The following PCDH9 variants were observed in gnomAD, a reference collection of about 807,000 sequenced individuals.
PCDH9 encodes the protein protocadherin 9, also known as protocadherin-9.
A neutral mutation model predicts 70.6 loss-of-function variants in PCDH9; 24 were observed. That is an observed-to-expected ratio of 0.34 (90% CI 0.25 to 0.48). The LOEUF is 0.48. PCDH9 is among the 20% of genes least tolerant of loss of function. The pLI, the probability that PCDH9 is intolerant of heterozygous loss-of-function variation, is 0.99. For synonymous variants in PCDH9, 562 were observed against 558.5 expected (o/e 1.01, Z -0.09); for missense variants, 1,281 against 1,503.6 (o/e 0.85, Z 2.45).
rs187396968 is a variant in PCDH9, at chr13:67,032,984, C to T, written c.3037-129379G>A. Among the ~76,000 whole-genome samples the T allele has an allele frequency of 7.9e-3, 1,189 of 149,906 alleles. 6 individuals carry two copies. The highest frequency in any genetic ancestry group is 0.017 in the Middle Eastern group (5 of 290). On this transcript the variant is annotated intron_variant, in intron 2 of 4. Coordinates refer to ENST00000377865, the MANE Select transcript of PCDH9 (RefSeq NM_203487.3). ...TTGTTAAATTTTCTTCTAATTTGTC[C>T]TTTTTTTTTTCTTACTTATGTGATG...
At chr13:67,099,251 C>A (rs1261930701) in intron 2 of PCDH9, among the ~76,000 whole-genome samples, 1 of 152,178 alleles carries the variant, frequency 6.6e-6, no homozygotes. Context: ...CTTGTAACTA[C>A]GTCTGGTTTG....
intron 3 of PCDH9, among the ~76,000 whole-genome samples, chr13:66,700,891 T>C (rs892852702): frequency 1.4e-5 from 2 of 143,890 alleles, no homozygotes; most frequent in African/African-American, 5.1e-5. Context: ...GTCTATGTTA[T>C]ATATATATGA....
At position 66,713,638 on chromosome 13, in the gene PCDH9, T is replaced by TATATATATAC. The variant is rs2078828306; in HGVS notation, c.3139-82228_3139-82227insGTATATATAT. On this transcript the variant is annotated intron_variant, in intron 3 of 4. Transcript: ENST00000377865. ...GTGTGTGTGTGTGTATATATATATA[T>TATATATATAC]ATATATATATATATAATGTACACAC... Among the ~76,000 whole-genome samples the TATATATATAC allele has an allele frequency of 4.3e-5, 6 of 140,204 alleles. No homozygotes were observed. In the South Asian group the frequency reaches 1.1e-3, roughly 26 times the overall value. 92.0% of individuals were successfully genotyped at this position (140,204 alleles called of 152,430 possible). A position where few individuals can be genotyped will look rare whatever the true frequency, so the allele number is the denominator to read the frequency against.
intron 3 of PCDH9, among the ~76,000 whole-genome samples, chr13:66,757,520 C>G (rs2079555217): frequency 6.6e-6 from 1 of 151,824 alleles, no homozygotes; most frequent in African/African-American, 2.4e-5. Flanking sequence ...TCTATGTGTC[C>G]TCATTAAAAA....
intron 4 of PCDH9, among the ~76,000 whole-genome samples, chr13:66,373,347 T>C (rs533972898): frequency 1.1e-4 from 16 of 151,942 alleles, no homozygotes; most frequent in African/African-American, 3.9e-4. Flanking sequence ...GGGGGGTGAA[T>C]AAATGGGAAA....
At chr13:66,612,184 G>A (rs1260200563) in intron 4 of PCDH9, among the ~76,000 whole-genome samples, 1 of 152,196 alleles carries the variant, frequency 6.6e-6, no homozygotes, top group Non-Finnish European at 1.5e-5. Flanking sequence ...GGAAATATGT[G>A]AAAGTCAATG....
intron 3 of PCDH9, among the ~76,000 whole-genome samples, chr13:66,746,803 T>C (rs1409122881): frequency 3.9e-5 from 6 of 152,110 alleles, no homozygotes; most frequent in African/African-American, 1.2e-4. Context: ...TTTTTTTTCA[T>C]TATGTAGGTG....
At chr13:67,164,201 A>G (rs945261029) in intron 2 of PCDH9, among the ~76,000 whole-genome samples, 1 of 152,220 alleles carries the variant, frequency 6.6e-6, no homozygotes, top group Non-Finnish European at 1.5e-5. Flanking sequence ...TCTTAAAATA[A>G]CACAAATATA....
At chr13:66,401,000 C>T (rs560451580) in intron 4 of PCDH9, among the ~76,000 whole-genome samples, 1 of 152,236 alleles carries the variant, frequency 6.6e-6, no homozygotes, top group Admixed American at 6.5e-5. Flanking sequence ...AGAAATGACA[C>T]GACTTTCTGG....
At chr13:66,993,384 T>G (rs1299235366) in intron 2 of PCDH9, among the ~76,000 whole-genome samples, 1 of 152,134 alleles carries the variant, frequency 6.6e-6, no homozygotes, top group East Asian at 1.9e-4. Flanking sequence ...CTTGTAAGAG[T>G]AATCATTTCA....
At chr13:66,565,271 A>G (rs1364748779) in intron 4 of PCDH9, among the ~76,000 whole-genome samples, 4 of 152,228 alleles carry the variant, frequency 2.6e-5, no homozygotes, top group African/African-American at 9.6e-5. Flanking sequence ...CTGAGAACAT[A>G]ACAACATGCA....
intron 2 of PCDH9, among the ~76,000 whole-genome samples, chr13:66,941,588 G>C (rs2083007676): frequency 6.6e-6 from 1 of 151,752 alleles, no homozygotes. Context: ...CCATTCAAAA[G>C]AAAGCCAGAG....
intron 3 of PCDH9, among the ~76,000 whole-genome samples, chr13:66,748,833 C>T (rs1181002658): frequency 6.6e-6 from 1 of 152,138 alleles, no homozygotes; most frequent in East Asian, 1.9e-4. Context: ...TGTGGTTTGG[C>T]TCTGTGTCCC....
chr13:66,763,965 ATTG>A (rs1301162765), intron 3 of PCDH9, among the ~76,000 whole-genome samples: 5 of 151,774 alleles, frequency 3.3e-5, no homozygotes, highest in South Asian at 4.1e-4. Context: ...CACTCGACTA[ATTG>A]TTGTATTTTT....
intron 3 of PCDH9, among the ~76,000 whole-genome samples, chr13:66,854,700 T>A (rs2081366608): frequency 6.6e-6 from 1 of 152,112 alleles, no homozygotes. Flanking sequence ...GCTGAAGTGC[T>A]GTTTAATGTT....
chr13:67,095,600 T>A (rs1260979819), intron 2 of PCDH9, among the ~76,000 whole-genome samples: 3 of 152,152 alleles, frequency 2.0e-5, no homozygotes, highest in African/African-American at 4.8e-5. Context: ...TGCAGTTACA[T>A]CAGTGTGACT....
At chr13:66,719,158 A>G (rs555596228) in intron 3 of PCDH9, among the ~76,000 whole-genome samples, 1 of 152,350 alleles carries the variant, frequency 6.6e-6, no homozygotes, top group East Asian at 1.9e-4. Context: ...GGTCCTGGAG[A>G]TAGCCGTAGC....
intron 2 of PCDH9, among the ~76,000 whole-genome samples, chr13:67,065,788 T>C (rs1465266462): frequency 6.6e-6 from 1 of 152,176 alleles, no homozygotes; most frequent in African/African-American, 2.4e-5. Flanking sequence ...AATAAGAATT[T>C]TGCTATTGTC....
At chr13:66,864,192 T>C (rs556388246) in intron 3 of PCDH9, among the ~76,000 whole-genome samples, 1 of 152,252 alleles carries the variant, frequency 6.6e-6, no homozygotes, top group African/African-American at 2.4e-5. Context: ...TCAGATATTA[T>C]GGGACATTAT....
Sources: allele counts gnomAD v4.1 joint callset (sites outside exome capture counted in the v4.1 genomes callset), GRCh38; gene constraint gnomAD v4.1.1; transcripts MANE v1.5; gene names NCBI Gene and HGNC (gene_info 2026-07-23, HGNC 2026-07-21).